ZNF385B: variants seen among roughly 807,000 people sequenced by gnomAD.
ZNF385B encodes zinc finger protein 385B, also known as zinc finger protein 533.
A neutral mutation model predicts 39.2 loss-of-function variants in ZNF385B; 23 were observed. The ratio of observed to expected loss-of-function variants is 0.59; its 90% CI spans 0.42 to 0.83. The LOEUF is 0.83. Among genes scored for constraint, ZNF385B ranks in the 40% least tolerant of loss-of-function variants. ZNF385B has a pLI of 0.00. For missense variants in ZNF385B, 552 were observed against 598.9 expected (o/e 0.92, Z 0.82); for synonymous variants, 205 against 222.6 (o/e 0.92, Z 0.70).
chr2:179,763,696 TTTAA>T (rs1703528674), intron 3 of ZNF385B, among the ~76,000 whole-genome samples: 1 of 152,228 alleles, frequency 6.6e-6, no homozygotes, highest in South Asian at 2.1e-4. Flanking sequence ...TATGTTGTGC[TTTAA>T]TTTTCATCTA....
chr2:179,752,490 G>A (rs1702740696), intron 3 of ZNF385B, among the ~76,000 whole-genome samples: 1 of 152,212 alleles, frequency 6.6e-6, no homozygotes, highest in East Asian at 1.9e-4. Context: ...TCTAGTTCTA[G>A]ATCCTTGAGG....
chr2:179,857,708 T>C (rs767960911), intron 1 of ZNF385B, among the ~76,000 whole-genome samples: 10 of 152,128 alleles, frequency 6.6e-5, no homozygotes, highest in Non-Finnish European at 1.3e-4. Flanking sequence ...ATTCCAACCA[T>C]TTAAGATTAT....
chr2:179,832,204 CT>C (rs1452279351), intron 1 of ZNF385B, among the ~76,000 whole-genome samples: 1 of 152,182 alleles, frequency 6.6e-6, no homozygotes, highest in African/African-American at 2.4e-5. Flanking sequence ...ACCACGCCCT[CT>C]CCCCCTCCTC....
chr2:179,607,243 C>A (rs1433151805), intron 3 of ZNF385B, among the ~76,000 whole-genome samples: 12 of 152,010 alleles, frequency 7.9e-5, no homozygotes, highest in Admixed American at 7.9e-4. Flanking sequence ...GCTCTGTGTC[C>A]CCACCCAAAT....
intron 1 of ZNF385B, among the ~76,000 whole-genome samples, chr2:179,847,475 C>T (rs1575593798): frequency 6.6e-6 from 1 of 152,170 alleles, no homozygotes; most frequent in Admixed American, 6.5e-5. Flanking sequence ...AGATAAATTC[C>T]CTGCCCGATC....
intron 3 of ZNF385B, among the ~76,000 whole-genome samples, chr2:179,637,668 A>T (rs998328640): frequency 6.8e-6 from 1 of 146,134 alleles, no homozygotes; most frequent in Admixed American, 6.8e-5. Flanking sequence ...TGAAGAGGAC[A>T]AGGCAGTGAA....
chr2:179,504,326 G>A (rs1040316087), intron 5 of ZNF385B, among the ~76,000 whole-genome samples: 3 of 151,690 alleles, frequency 2.0e-5, no homozygotes, highest in South Asian at 2.1e-4. Flanking sequence ...GAATAATGCC[G>A]CAATAAACAT....
At chr2:179,483,560 T>C (rs2054240195) in intron 5 of ZNF385B, 126 bp from the exon 6 acceptor site, 1 of 1,271,744 alleles carries the variant, frequency 7.9e-7, no homozygotes, top group Admixed American at 2.2e-5. Flanking sequence ...TACCTGACTA[T>C]GTTTTTGGCA....
chr2:179,645,576 G>A (rs761809204), intron 3 of ZNF385B, among the ~76,000 whole-genome samples: 27 of 152,126 alleles, frequency 1.8e-4, no homozygotes, highest in Non-Finnish European at 3.2e-4. Context: ...CTTAAGACTC[G>A]AGCTTTATGG....
intron 1 of ZNF385B, among the ~76,000 whole-genome samples, chr2:179,778,922 C>G (rs1194443633): frequency 6.6e-6 from 1 of 152,110 alleles, no homozygotes; most frequent in East Asian, 1.9e-4. Context: ...ATAATTGATA[C>G]ATAATAATCA....
intron 3 of ZNF385B, among the ~76,000 whole-genome samples, chr2:179,742,348 T>G (rs1310328729): frequency 1.3e-5 from 2 of 152,104 alleles, no homozygotes; most frequent in Non-Finnish European, 2.9e-5. Context: ...AGGCCATTAC[T>G]GGAGACTCAC....
chr2:179,610,901 A>T (rs1340965206), intron 3 of ZNF385B, among the ~76,000 whole-genome samples: 1 of 152,166 alleles, frequency 6.6e-6, no homozygotes, highest in East Asian at 1.9e-4. Flanking sequence ...GTATCCTGCA[A>T]CTTTATTGAA....
chr2:179,769,788 A>T lies in ZNF385B; in HGVS notation c.13T>A (p.Leu5Ile). 6.2e-7 allele frequency: 1 copy of T among 1,610,874 alleles called. No homozygotes were observed. The highest frequency in any genetic ancestry group is 8.5e-7 in the Non-Finnish European group (1 of 1,177,914). The change falls in exon 3 of 10, where the codon TTA becomes ATA. Residue 5 changes from leucine (L) to isoleucine (I), a missense_variant. Physicochemically the swap from Leu to Ile is conservative, Grantham distance 5. Transcript: ENST00000410066. ...TCTTCAAGATGGTTGTCAGGGCTTAAGGAGTACCTCATGCCTGAAAAACAA... is the reference window on the plus strand; with the variant it reads ...TCTTCAAGATGGTTGTCAGGGCTTATGGAGTACCTCATGCCTGAAAAACAA... MRYS[L>I]SPDNHLEDGI... is the part of the protein sequence containing the mutation.
At chr2:179,860,185 C>A (rs1684926802) in intron 1 of ZNF385B, among the ~76,000 whole-genome samples, 1 of 152,164 alleles carries the variant, frequency 6.6e-6, no homozygotes, top group Non-Finnish European at 1.5e-5. Flanking sequence ...CAAACCTCAT[C>A]TCTGTATGAA....
chr2:179,531,293 C>A (rs991053621), intron 4 of ZNF385B, among the ~76,000 whole-genome samples: 1 of 152,118 alleles, frequency 6.6e-6, no homozygotes, highest in Non-Finnish European at 1.5e-5. Context: ...CCAAACATTG[C>A]ATGGCACATA....
intron 1 of ZNF385B, among the ~76,000 whole-genome samples, chr2:179,818,929 A>G (rs1707233791): frequency 1.3e-5 from 2 of 152,096 alleles, no homozygotes; most frequent in African/African-American, 4.8e-5. Flanking sequence ...CACTGGGTAG[A>G]AAGTAACTAA....
intron 1 of ZNF385B, among the ~76,000 whole-genome samples, chr2:179,793,034 G>C (rs967131500): frequency 2.0e-5 from 3 of 152,156 alleles, no homozygotes; most frequent in Admixed American, 2.0e-4. Context: ...TTGAGGAAAA[G>C]CATCCATTCT....
chr2:179,530,277 G>A (rs2059176866), intron 4 of ZNF385B, among the ~76,000 whole-genome samples: 1 of 152,034 alleles, frequency 6.6e-6, no homozygotes, highest in African/African-American at 2.4e-5. Context: ...TATAAAATAG[G>A]ATTCTTTATT....
At chr2:179,778,289 A>C (rs1477712905) in intron 1 of ZNF385B, among the ~76,000 whole-genome samples, 1 of 152,260 alleles carries the variant, frequency 6.6e-6, no homozygotes, top group Non-Finnish European at 1.5e-5. Context: ...GCAAAACATA[A>C]CCAACATAAA....
Sources: gnomAD v4.1 joint callset for allele counts (sites outside exome capture counted in the v4.1 genomes callset) on GRCh38, gnomAD v4.1.1 for gene constraint, MANE v1.5 for transcripts, NCBI Gene and HGNC (gene_info 2026-07-23, HGNC 2026-07-21) for gene names.